Variants in IGSF21 observed in about 807,000 individuals in gnomAD.
IGSF21 encodes immunoglobin superfamily member 21.
Under a neutral mutation model 46.8 loss-of-function variants are expected in IGSF21, and 28 were observed. That is an observed-to-expected ratio of 0.60 (90% CI 0.44 to 0.82). IGSF21 has a LOEUF of 0.82. Among genes scored for constraint, IGSF21 ranks in the 40% least tolerant of loss-of-function variants. The pLI is 0.00. For missense variants in IGSF21, 624 were observed against 665.5 expected (o/e 0.94, Z 0.69); for synonymous variants, 284 against 273.6 (o/e 1.04, Z -0.38).
intron 5 of IGSF21, among the ~76,000 whole-genome samples, chr1:18,364,491 C>T (rs998771550): frequency 6.6e-6 from 1 of 150,990 alleles, no homozygotes; most frequent in Admixed American, 6.6e-5. Flanking sequence ...TCTTCCCTCT[C>T]CCGCCCCCCT....
rs187232501 is a variant in IGSF21, at chr1:18,210,884, T to C, written c.71-17014T>C. ...CTTTATTTTATTTTATTTTATTTTT[T>C]GGAGACAGAGTCTCACTCTGTCACT... On this transcript the variant is annotated intron_variant, in intron 1 of 9. Transcript: ENST00000251296. Among the ~76,000 whole-genome samples the C allele has an allele frequency of 3.3e-3, 509 of 152,262 alleles. 2 individuals are homozygous for C. The highest frequency in any genetic ancestry group is 0.01 in the Middle Eastern group (3 of 294).
chr1:18,374,162 G>T (rs1419414519), intron 6 of IGSF21, among the ~76,000 whole-genome samples: 1 of 152,196 alleles, frequency 6.6e-6, no homozygotes, highest in East Asian at 1.9e-4. Context: ...CCCAGGGGCA[G>T]ACTGCCCTAG....
intron 3 of IGSF21, among the ~76,000 whole-genome samples, chr1:18,331,727 A>G (rs989662587): frequency 6.6e-6 from 1 of 152,234 alleles, no homozygotes; most frequent in Non-Finnish European, 1.5e-5. Context: ...TACCAGGGAT[A>G]GAAAGCCCAG....
rs1015334978 is a variant in IGSF21, at chr1:18,337,369, C to T, written c.424+2359C>T. 2.0e-5 allele frequency among the ~76,000 whole-genome samples: 3 copies of T among 152,168 alleles called. No individual in the cohort carries two copies. The highest frequency in any genetic ancestry group is 7.2e-5 in the African/African-American group (3 of 41,430). ...GTAGATAAAGTTTGCAGAACGCCTA[C>T]CTCATCAAGAATATCATTGAAGAGC... On this transcript the variant is annotated intron_variant, in intron 4 of 9. Coordinates refer to ENST00000251296, the MANE Select transcript of IGSF21 (RefSeq NM_032880.5). This position sits in a 1 kb window ranked among gnomAD's most constrained non-coding sequence, Gnocchi z 5.7.
Position 18,130,259 on chromosome 1 carries a change from CTCT to C in IGSF21, c.70+22068_70+22070del, listed in dbSNP as rs1303838153. On this transcript the variant is annotated intron_variant, in intron 1 of 9. Transcript: ENST00000251296. Reference sequence around the variant, plus strand: ...ACAAGGGGCTTAGAAGTGAGACACCCTCTTCTTCTCTTTCTCCCTTGCTTTAGT... The same window carrying C: ...ACAAGGGGCTTAGAAGTGAGACACCCTCTTCTCTTTCTCCCTTGCTTTAGT... Among the ~76,000 whole-genome samples, 8 of 152,298 alleles carry C rather than the reference CTCT, an allele frequency of 5.3e-5. No homozygotes were observed. The East Asian group carries it at 1.2e-3, about 22-fold the overall frequency.
intron 6 of IGSF21, among the ~76,000 whole-genome samples, chr1:18,369,886 G>A (rs1041901066): frequency 4.6e-5 from 7 of 152,052 alleles, no homozygotes; most frequent in African/African-American, 1.2e-4. Flanking sequence ...TACCTTTCTC[G>A]TAATCTGGAC....
intron 1 of IGSF21, among the ~76,000 whole-genome samples, chr1:18,174,543 C>T (rs1468022222): frequency 2.0e-5 from 3 of 152,182 alleles, no homozygotes; most frequent in Non-Finnish European, 4.4e-5. Context: ...TTGTCACGAC[C>T]CACCCACATC....
At chr1:18,108,785 A>G (rs1013894386) in intron 1 of IGSF21, among the ~76,000 whole-genome samples, 2 of 150,526 alleles carry the variant, frequency 1.3e-5, no homozygotes, top group Non-Finnish European at 1.5e-5. Context: ...ACGACAGCGG[A>G]TTACTATTTC....
At chr1:18,214,417 C>A (rs2084422043) in intron 1 of IGSF21, among the ~76,000 whole-genome samples, 1 of 152,108 alleles carries the variant, frequency 6.6e-6, no homozygotes, top group African/African-American at 2.4e-5. Flanking sequence ...TCTTTCATGG[C>A]CCAAATTTAG....
At chr1:18,247,909 C>A (rs984871483) in intron 2 of IGSF21, among the ~76,000 whole-genome samples, 1 of 152,148 alleles carries the variant, frequency 6.6e-6, no homozygotes, top group African/African-American at 2.4e-5. Flanking sequence ...AGCATCTACA[C>A]TCTCATTTAG....
At chr1:18,336,206 A>G (rs571201160) in intron 4 of IGSF21, among the ~76,000 whole-genome samples, 30 of 152,348 alleles carry the variant, frequency 2.0e-4, no homozygotes, top group African/African-American at 6.7e-4. Flanking sequence ...AGACAAGCAT[A>G]AAACACATGC....
rs1322042156 is a variant in IGSF21, at chr1:18,291,991, A to G, written c.305+4A>G. 1.3e-6 allele frequency: 2 copies of G among 1,492,248 alleles called. No homozygotes were observed. Among genetic ancestry groups the G allele is most frequent in the Admixed American group, 1.8e-5 (1 of 56,058 alleles). The allele number at this position is 1,492,248 out of a possible 1,614,324, so 92.4% of individuals were successfully genotyped here. ...TGGTGTACCAGTCCACTGTGAGGTG[A>G]GTGCCTGGGGGTGGCGGGCCGACAG... On this transcript the variant is annotated splice_donor_region_variant and intron_variant, in intron 3 of 9. Transcript: ENST00000251296.
At chr1:18,115,842 G>GAAGGAAGAAAGGAAGA (rs1326188397) in intron 1 of IGSF21, 9 of 87,766 alleles carry the variant, frequency 1.0e-4, no homozygotes, top group African/African-American at 4.7e-4. Flanking sequence ...AGGAAGGAAG[G>GAAGGAAGAAAGGAAGA]AAGAAAGAAA....
chr1:18,326,491 T>C (rs146175848), intron 3 of IGSF21, among the ~76,000 whole-genome samples: 1 of 152,302 alleles, frequency 6.6e-6, no homozygotes, highest in Non-Finnish European at 1.5e-5. Context: ...ACAATGGTTA[T>C]ACAAATGAAA....
At chr1:18,286,504 T>C (rs551966631) in intron 2 of IGSF21, among the ~76,000 whole-genome samples, 1 of 152,324 alleles carries the variant, frequency 6.6e-6, no homozygotes, top group East Asian at 1.9e-4. Flanking sequence ...TTCTGTCTGG[T>C]CCAGGTGTAC....
chr1:18,230,609 G>C (rs2084615449), intron 2 of IGSF21, among the ~76,000 whole-genome samples: 1 of 152,100 alleles, frequency 6.6e-6, no homozygotes, highest in Non-Finnish European at 1.5e-5. Flanking sequence ...GCCCGCCTAT[G>C]ATGGGAAGGA....
At chr1:18,369,734 C>A (rs930980194) in intron 6 of IGSF21, among the ~76,000 whole-genome samples, 1 of 152,222 alleles carries the variant, frequency 6.6e-6, no homozygotes, top group Non-Finnish European at 1.5e-5. Context: ...TGTCTCCCTG[C>A]AATGAGCCTT....
intron 2 of IGSF21, among the ~76,000 whole-genome samples, chr1:18,241,375 A>T (rs74930695): frequency 0.035 from 5,263 of 152,254 alleles, 107 homozygotes; most frequent in Non-Finnish European, 0.04. Context: ...TTCTGGGGAT[A>T]TCAGAGACCT....
chr1:18,175,511 G>A (rs1041716110), intron 1 of IGSF21, among the ~76,000 whole-genome samples: 15 of 152,200 alleles, frequency 9.9e-5, no homozygotes, highest in African/African-American at 3.6e-4. Context: ...GCTGCGGGGA[G>A]AGGGGTGCAG....
Sources: gnomAD v4.1 joint callset for allele counts (sites outside exome capture counted in the v4.1 genomes callset) on GRCh38, gnomAD v4.1.1 for gene constraint, Gnocchi (gnomAD v3.1) non-coding constraint, MANE v1.5 for transcripts, NCBI Gene and HGNC (gene_info 2026-07-23, HGNC 2026-07-21) for gene names.